RGS6: variants seen among roughly 807,000 people sequenced by gnomAD.
RGS6 encodes the protein regulator of G protein signaling 6.
In RGS6, 30 loss-of-function variants were observed where a neutral mutation model predicts 78.5. The ratio of observed to expected loss-of-function variants is 0.38; its 90% CI spans 0.29 to 0.52. The LOEUF is 0.52. Ranked by LOEUF, RGS6 falls within the 20% of genes least tolerant of loss-of-function variation. The pLI, the probability that RGS6 is intolerant of heterozygous loss-of-function variation, is 0.85. For missense variants in RGS6, 495 were observed against 609.7 expected, an observed-to-expected ratio of 0.81 and a Z score of 1.98; for synonymous variants, 206 against 206.0, an observed-to-expected ratio of 1.00 and a Z score of 0.00.
intron 13 of RGS6, among the ~76,000 whole-genome samples, chr14:72,509,420 G>T (rs1309746265): frequency 6.6e-6 from 1 of 150,882 alleles, no homozygotes; most frequent in Non-Finnish European, 1.5e-5. Context: ...GTCTAGATTT[G>T]ATTCTTGACT....
chr14:72,069,243 G>C (rs1424683627), intron 2 of RGS6, among the ~76,000 whole-genome samples: 1 of 152,114 alleles, frequency 6.6e-6, no homozygotes, highest in African/African-American at 2.4e-5. Context: ...AAAGTGCTAG[G>C]ATTACAGGCG....
chr14:72,481,429 C>G (rs569227127), intron 12 of RGS6, among the ~76,000 whole-genome samples: 4 of 152,306 alleles, frequency 2.6e-5, no homozygotes, highest in South Asian at 2.1e-4. Flanking sequence ...CTGTCTCCCC[C>G]CAGTCTCCCA....
chr14:72,225,931 A>C (rs1333793023), intron 2 of RGS6, among the ~76,000 whole-genome samples: 1 of 152,148 alleles, frequency 6.6e-6, no homozygotes, highest in Admixed American at 6.5e-5. Flanking sequence ...TTTTTCTAAC[A>C]TCTTTCTATG....
rs201831492 is a variant in RGS6, at chr14:72,540,148, TTTC to T, written c.1422+63_1422+65del. On this transcript the variant is annotated intron_variant, in intron 17 of 17. Transcript: ENST00000553525. ...CTTTTCTTTTGGTTTTGGTTTTTTCTTTCTTCTTCTTTTTTTTTTTTTTCCCTT... is the reference window on the plus strand; with the variant it reads ...CTTTTCTTTTGGTTTTGGTTTTTTCTTTCTTCTTTTTTTTTTTTTTCCCTT... 1,426 of 1,538,122 alleles carry T rather than the reference TTTC, an allele frequency of 9.3e-4. 1 individual carries two copies. The East Asian group carries it at 0.013, about 14-fold the overall frequency.
intron 2 of RGS6, among the ~76,000 whole-genome samples, chr14:72,075,520 A>G (rs544687524): frequency 1.3e-5 from 2 of 152,250 alleles, no homozygotes; most frequent in South Asian, 4.1e-4. Flanking sequence ...TTTCCCACAA[A>G]ATAGAATGGG....
chr14:72,111,071 T>G (rs2153546812), intron 2 of RGS6, among the ~76,000 whole-genome samples: 1 of 152,304 alleles, frequency 6.6e-6, no homozygotes, highest in Middle Eastern at 3.4e-3. Flanking sequence ...TGCAAGACTC[T>G]CCCGTTCTTT....
At position 72,472,281 on chromosome 14, in the gene RGS6, C is replaced by T. The variant is rs573710703; in HGVS notation, c.537-591C>T. Among the ~76,000 whole-genome samples the T allele has an allele frequency of 7.2e-5, 11 of 152,240 alleles. No individual in the cohort carries two copies. The East Asian group carries it at 2.1e-3, about 29-fold the overall frequency. On this transcript the variant is annotated intron_variant, in intron 8 of 17. Transcript: ENST00000553525. ...AATTTCCCTCTTGCAATTTGTGCCT[C>T]CCCCAGCTGAGGCCAGTGATATTTG... is the stretch of plus-strand genomic sequence containing the variant.
chr14:71,928,057 A>G (rs372858685), upstream of RGS6, among the ~76,000 whole-genome samples: 5 of 151,310 alleles, frequency 3.3e-5, no homozygotes, highest in South Asian at 1.0e-3. Flanking sequence ...GGATCTCACT[A>G]TGTTGCCCAG....
intron 2 of RGS6, among the ~76,000 whole-genome samples, chr14:72,121,177 G>A (rs1023303948): frequency 4.6e-5 from 7 of 152,090 alleles, no homozygotes; most frequent in Admixed American, 1.3e-4. Context: ...AAACCCCACC[G>A]TGGCTGTGAA....
intron 2 of RGS6, among the ~76,000 whole-genome samples, chr14:72,115,600 C>T (rs577883748): frequency 4.1e-4 from 63 of 152,296 alleles, no homozygotes; most frequent in Admixed American, 2.0e-3. Flanking sequence ...TTCCTGCCCC[C>T]TCAGCCTGCT....
At chr14:72,139,747 G>C (rs2153609841) in intron 2 of RGS6, among the ~76,000 whole-genome samples, 1 of 152,254 alleles carries the variant, frequency 6.6e-6, no homozygotes, top group South Asian at 2.1e-4. Context: ...GCATCAAAGA[G>C]GATGAAAATG....
chr14:72,629,251 C>T, the RGS6 span, among the ~76,000 whole-genome samples: 2 of 152,136 alleles, frequency 1.3e-5, no homozygotes, highest in South Asian at 2.1e-4. Flanking sequence ...TAAGATTGGA[C>T]GTGTACTGAT....
chr14:72,083,670 C>T (rs965115321), intron 2 of RGS6, among the ~76,000 whole-genome samples: 2 of 152,182 alleles, frequency 1.3e-5, no homozygotes, highest in African/African-American at 4.8e-5. Flanking sequence ...TAACCAACCA[C>T]ATTGAATTTC....
At chr14:72,154,802 T>C (rs1001249030) in intron 2 of RGS6, among the ~76,000 whole-genome samples, 1 of 152,206 alleles carries the variant, frequency 6.6e-6, no homozygotes, top group Non-Finnish European at 1.5e-5. Context: ...CCCCAGTAAG[T>C]GGGAAAACCC....
intron 2 of RGS6, among the ~76,000 whole-genome samples, chr14:72,145,012 A>G (rs2096589440): frequency 6.6e-6 from 1 of 152,012 alleles, no homozygotes; most frequent in African/African-American, 2.4e-5. Flanking sequence ...GGAATCATAG[A>G]GGGGTCGAAG....
intron 2 of RGS6, among the ~76,000 whole-genome samples, chr14:72,194,782 C>G (rs1208307983): frequency 6.6e-6 from 1 of 151,990 alleles, no homozygotes. Flanking sequence ...GAAGAGGGAC[C>G]CTGGGGCAGG....
At chr14:71,918,184 C>CAAAAAA in the RGS6 span, among the ~76,000 whole-genome samples, 46 of 33,726 alleles carry the variant, frequency 1.4e-3, 12 homozygotes, top group Non-Finnish European at 2.1e-3. Flanking sequence ...ACTCCAGTCT[C>CAAAAAA]AAAAAAAAAA....
At chr14:72,171,468 G>C (rs1219364393) in intron 2 of RGS6, among the ~76,000 whole-genome samples, 1 of 152,200 alleles carries the variant, frequency 6.6e-6, no homozygotes, top group African/African-American at 2.4e-5. Flanking sequence ...CCCAACTTGA[G>C]GGTGCCCTCA....
chr14:72,296,084 T>TAG (rs1210297203), intron 2 of RGS6, among the ~76,000 whole-genome samples: 1 of 152,260 alleles, frequency 6.6e-6, no homozygotes, highest in East Asian at 1.9e-4. Context: ...GGTTCTATTC[T>TAG]AGGACTTTGT....
Sources: gnomAD v4.1 joint callset for allele counts (sites outside exome capture counted in the v4.1 genomes callset) on GRCh38, gnomAD v4.1.1 for gene constraint, MANE v1.5 for transcripts, NCBI Gene and HGNC (gene_info 2026-07-23, HGNC 2026-07-21) for gene names.